The following MEF2D variants were observed in gnomAD, a reference collection of about 807,000 sequenced individuals.
The protein encoded by MEF2D is myocyte-specific enhancer factor 2D.
In MEF2D, 10 loss-of-function variants were observed where a neutral mutation model predicts 59.3. The observed-to-expected ratio is 0.17, with a 90% CI of 0.10 to 0.29. The LOEUF (loss-of-function observed/expected upper bound fraction) is 0.29. Among genes scored for constraint, MEF2D ranks in the 10% least tolerant of loss-of-function variants. MEF2D has a pLI of 1.00. For missense variants in MEF2D, 508 were observed against 699.4 expected (o/e 0.73, Z 3.09); for synonymous variants, 305 against 295.0 (o/e 1.03, Z -0.35).
rs1052493055 is a variant in MEF2D at position 156,476,522 on chromosome 1, C to G, written c.856-8G>C. ...ATCTAAATGGTCCTCAGTCTGAGAG[C>G]AGAAATAAAACCAAGGGGATGTTCA... On this transcript the variant is annotated splice_polypyrimidine_tract_variant and splice_region_variant and intron_variant, in intron 7 of 11. Coordinates refer to ENST00000348159, the MANE Select transcript of MEF2D (RefSeq NM_005920.4). 2 of 1,611,090 alleles carry G rather than the reference C, an allele frequency of 1.2e-6. No homozygotes were observed. Among genetic ancestry groups the G allele is most frequent in the Admixed American group, 1.7e-5 (1 of 59,568 alleles).
intron 8 of MEF2D, among the ~76,000 whole-genome samples, chr1:156,475,669 C>T (rs148610119): frequency 3.5e-4 from 54 of 152,326 alleles, no homozygotes; most frequent in African/African-American, 1.1e-3. Flanking sequence ...CGTGTGCCTG[C>T]GCGTATGCAC....
rs985945002 is a variant in MEF2D at position 156,476,369 on chromosome 1, C to A, written c.876+125G>T. The A allele has an allele frequency of 3.7e-5, 44 of 1,193,784 alleles. 1 individual carries two copies. In the Middle Eastern group the frequency reaches 1.1e-3, roughly 30 times the overall value. The allele number at this position is 1,193,784 out of a possible 1,614,324, so 73.9% of individuals were successfully genotyped here. A position where few individuals can be genotyped will look rare whatever the true frequency, so the allele number is the denominator to read the frequency against. On this transcript the variant is annotated intron_variant, in intron 8 of 11. Transcript: ENST00000348159. The stretch of plus-strand genomic sequence containing the variant: ...CTAAGCACAGCTCCTGGCAACTAAG[C>A]AAAGAAACAGCAACAGTTCACGCAC...
chr1:156,483,861 GAAC>G (rs1392787091), intron 1 of MEF2D, among the ~76,000 whole-genome samples: 3 of 152,206 alleles, frequency 2.0e-5, no homozygotes, highest in African/African-American at 7.2e-5. Flanking sequence ...CCCAGTCAGT[GAAC>G]AACAAGCATG....
At position 156,479,644 on chromosome 1, in the gene MEF2D, C is replaced by T. The variant is rs148815967; in HGVS notation, c.549G>A (p.Gln183=). The T allele has an allele frequency of 1.3e-6, 2 of 1,553,040 alleles. No homozygotes were observed. Among genetic ancestry groups the T allele is most frequent in the South Asian group, 2.4e-5 (2 of 84,142 alleles). Residue 183 remains glutamine (Q), a synonymous_variant, in exon 5 of 12, where the codon CAG becomes CAA. Transcript: ENST00000348159. ...ACACACTGTTCCTCTGTAGTGCTGG[C>T]TGCTGGGGGGACAGGAGCCGCGGGT... ...LTDPRLLSPQ[Q]PALQRNSVSP... is the part of the protein sequence containing the mutation.
chr1:156,479,696 G>C lies in MEF2D; in HGVS notation c.497C>G (p.Pro166Arg), dbSNP rs780707536. 3 of 1,551,648 alleles carry C rather than the reference G, an allele frequency of 1.9e-6. No homozygotes were observed. The highest frequency in any genetic ancestry group is 2.6e-6 in the Non-Finnish European group (3 of 1,147,030). Reference sequence around the variant, plus strand: ...CGTGAGGGATGATGTCACCAGGGAAGGGGTGACCAGGGAGCCGCTGGGATT... The same window carrying C: ...CGTGAGGGATGATGTCACCAGGGAACGGGTGACCAGGGAGCCGCTGGGATT... Reference protein sequence around the residue: ...FSNPSGSLVTPSLVTSSLTDP... With the variant: ...FSNPSGSLVTRSLVTSSLTDP... The change falls in exon 5 of 12, where the codon CCT becomes CGT. Residue 166 changes from proline (P) to arginine (R), a missense_variant. By Grantham distance (103) the Pro-to-Arg change is moderately radical. Around this residue, in one of 2 missense-constraint regions of MEF2D, gnomAD observed 481 missense variants for 584.7 expected, o/e 0.82. Coordinates refer to ENST00000348159, the MANE Select transcript of MEF2D (RefSeq NM_005920.4).
At chr1:156,495,764 A>AAAAAAAAAAAAG (rs1327140480) in intron 1 of MEF2D, among the ~76,000 whole-genome samples, 3 of 145,364 alleles carry the variant, frequency 2.1e-5, no homozygotes, top group Non-Finnish European at 4.5e-5. Flanking sequence ...CCAGGGGGCA[A>AAAAAAAAAAAAG]AAAAAAAAAA....
At chr1:156,496,973 G>A (rs1365819792) in intron 1 of MEF2D, among the ~76,000 whole-genome samples, 1 of 152,174 alleles carries the variant, frequency 6.6e-6, no homozygotes, top group Non-Finnish European at 1.5e-5. Context: ...CAAGCCAAAG[G>A]TCAAGGCCTT....
chr1:156,493,367 G>A (rs1167477623), intron 1 of MEF2D, among the ~76,000 whole-genome samples: 4 of 152,208 alleles, frequency 2.6e-5, no homozygotes, highest in African/African-American at 9.7e-5. Context: ...ATTTAAAGGG[G>A]CCGTTCAGGG....
At chr1:156,483,154 G>C in intron 2 of MEF2D, 85 bp downstream of exon 2, 1 of 1,384,786 alleles carries the variant, frequency 7.2e-7, no homozygotes. Context: ...CTTCCACAAA[G>C]CCCTCTTGGA....
intron 5 of MEF2D, 72 bp downstream of exon 5, chr1:156,479,514 T>C: frequency 1.3e-6 from 2 of 1,527,140 alleles, no homozygotes; most frequent in Admixed American, 2.0e-5. Context: ...ATACTTGCTG[T>C]TGAAAATGGA....
At chr1:156,467,726 C>A (rs1670945988) in intron 11 of MEF2D, 70 bp from the exon 12 acceptor site, 2 of 1,341,212 alleles carry the variant, frequency 1.5e-6, no homozygotes, top group Middle Eastern at 2.2e-4. Flanking sequence ...ACCCCCCACT[C>A]CCCTCTCCCC....
Position 156,479,303 on chromosome 1 carries a change from G to A in MEF2D, c.651C>T (p.Cys217=). Residue 217 remains cysteine (C), a synonymous_variant, in exon 6 of 12, where the codon TGC becomes TGT. Coordinates refer to ENST00000348159, the MANE Select transcript of MEF2D (RefSeq NM_005920.4). ...GGDLNSANGA[C]PSPVGNGYVS... ...GACTGCACTCACCAACAGGGCTGGG[G>A]CAGGCTCCGTTAGCACTGTTCAGGT... is the stretch of plus-strand genomic sequence containing the variant. 1 of 1,612,600 alleles carries A rather than the reference G, an allele frequency of 6.2e-7. No individual in the cohort carries two copies. Among genetic ancestry groups the A allele is most frequent in the South Asian group, 1.1e-5 (1 of 90,784 alleles).
At chr1:156,485,701 CTT>C (rs534807814) in intron 1 of MEF2D, among the ~76,000 whole-genome samples, 9 of 134,632 alleles carry the variant, frequency 6.7e-5, no homozygotes, top group Non-Finnish European at 6.5e-5. Flanking sequence ...TTAATAATTT[CTT>C]TTTTTTTTTT....
At chr1:156,493,553 T>C (rs1458018098) in intron 1 of MEF2D, among the ~76,000 whole-genome samples, 2 of 141,510 alleles carry the variant, frequency 1.4e-5, no homozygotes, top group African/African-American at 2.6e-5. Flanking sequence ...CCCAGCCAGA[T>C]GGAGGGGGGC....
At chr1:156,477,297 C>A in intron 6 of MEF2D, 95 bp from the exon 7 acceptor site, 1 of 1,080,928 alleles carries the variant, frequency 9.3e-7, no homozygotes, top group Non-Finnish European at 1.3e-6. Flanking sequence ...TTACCCGGAA[C>A]CTCTCAAAGC....
chr1:156,482,904 G>A (rs1672113107), intron 2 of MEF2D, among the ~76,000 whole-genome samples: 2 of 152,352 alleles, frequency 1.3e-5, no homozygotes, highest in South Asian at 4.1e-4. Flanking sequence ...CTGTGCTGGA[G>A]GCTATGAAGA....
At chr1:156,495,046 C>G (rs1043323385) in intron 1 of MEF2D, among the ~76,000 whole-genome samples, 2 of 152,170 alleles carry the variant, frequency 1.3e-5, no homozygotes, top group Non-Finnish European at 2.9e-5. Context: ...TGCGGCAGCT[C>G]ACAGGGACAG....
chr1:156,494,656 G>C (rs1673024762), intron 1 of MEF2D, among the ~76,000 whole-genome samples: 2 of 152,230 alleles, frequency 1.3e-5, no homozygotes, highest in African/African-American at 4.8e-5. Flanking sequence ...GCCAGGCTGG[G>C]GCTGAAGGTC....
chr1:156,480,867 G>C lies in MEF2D; in HGVS notation c.363C>G (p.Ser121Arg). ...GCCGGAAGAGCCCGTCGAGCTCCTC[G>C]CTGGCGCGTCGGTACTTGTCCTCCA... ...PLLEDKYRRASEELDGLFRRY... is the reference protein window; with the variant it reads ...PLLEDKYRRAREELDGLFRRY... The change falls in exon 4 of 12, where the codon AGC (serine) becomes AGG (arginine). Residue 121 changes from serine to arginine, a missense_variant. Coordinates refer to ENST00000348159, the MANE Select transcript of MEF2D (RefSeq NM_005920.4). 9 of 1,603,358 alleles carry C rather than the reference G, an allele frequency of 5.6e-6. No individual in the cohort carries two copies. The highest frequency in any genetic ancestry group is 7.7e-6 in the Non-Finnish European group (9 of 1,175,100).
Sources: allele counts gnomAD v4.1 joint callset (sites outside exome capture counted in the v4.1 genomes callset), GRCh38; gene constraint gnomAD v4.1.1; regional missense constraint gnomAD v4.1.1; transcripts MANE v1.5; gene names NCBI Gene and HGNC (gene_info 2026-07-23, HGNC 2026-07-21).